FBN2: variants seen among roughly 807,000 people sequenced by gnomAD.
The protein encoded by FBN2 is fibrillin-2.
Under a neutral mutation model 355.6 loss-of-function variants are expected in FBN2, and 105 were observed. That is an observed-to-expected ratio of 0.30 (90% CI 0.25 to 0.35). The LOEUF (loss-of-function observed/expected upper bound fraction) is 0.35, where lower values mean the gene tolerates loss of function less well. Ranked by LOEUF, FBN2 falls within the 10% of genes least tolerant of loss-of-function variation. The pLI, the probability that FBN2 is intolerant of heterozygous loss-of-function variation, is 1.00. For synonymous variants in FBN2, 1,350 were observed against 1,301.2 expected (o/e 1.04, Z -0.81); for missense variants, 3,280 against 3,758.7 (o/e 0.87, Z 3.33).
intron 39 of FBN2, 92 bp downstream of exon 39, chr5:128,311,208 T>C: frequency 4.3e-6 from 6 of 1,387,954 alleles, no homozygotes; most frequent in Non-Finnish European, 4.1e-6. Context: ...TTGAGCCTTT[T>C]GTAGAATGTG....
At chr5:128,409,034 T>C (rs1008932212) in intron 7 of FBN2, among the ~76,000 whole-genome samples, 2 of 152,150 alleles carry the variant, frequency 1.3e-5, no homozygotes, top group East Asian at 1.9e-4. Flanking sequence ...CAGAACTCTA[T>C]ACCCTTTTTT....
At chr5:128,326,849 G>A (rs1045900686) in intron 34 of FBN2, among the ~76,000 whole-genome samples, 1 of 152,176 alleles carries the variant, frequency 6.6e-6, no homozygotes, top group Admixed American at 6.5e-5. Flanking sequence ...AAAACTAGAT[G>A]TGAAGGAAGT....
At chr5:128,437,573 G>C (rs1753800262) in intron 7 of FBN2, among the ~76,000 whole-genome samples, 2 of 152,106 alleles carry the variant, frequency 1.3e-5, no homozygotes, top group African/African-American at 4.8e-5. Context: ...CATGGTCCTA[G>C]CTTTTGGTTT....
At chr5:128,532,729 A>G (rs1167781184) in intron 2 of FBN2, among the ~76,000 whole-genome samples, 1 of 152,192 alleles carries the variant, frequency 6.6e-6, no homozygotes, top group African/African-American at 2.4e-5. Flanking sequence ...ATATATTACT[A>G]CTAGCATTAG....
At chr5:128,526,515 T>C (rs1045984548) in intron 4 of FBN2, among the ~76,000 whole-genome samples, 3 of 152,034 alleles carry the variant, frequency 2.0e-5, no homozygotes, top group Non-Finnish European at 4.4e-5. Flanking sequence ...ATAAACAAAA[T>C]GTGGTATATT....
chr5:128,474,875 G>A (rs527982368), intron 5 of FBN2, among the ~76,000 whole-genome samples: 34 of 152,282 alleles, frequency 2.2e-4, no homozygotes, highest in Non-Finnish European at 4.1e-4. Context: ...TGGGGTTGTC[G>A]TTACTTGAGA....
At chr5:128,449,693 C>T (rs907705463) in intron 6 of FBN2, among the ~76,000 whole-genome samples, 1 of 150,932 alleles carries the variant, frequency 6.6e-6, no homozygotes, top group Non-Finnish European at 1.5e-5. Context: ...CAGATTTAAA[C>T]ACAATAAAAT....
At chr5:128,421,885 T>C (rs1753357906) in intron 7 of FBN2, among the ~76,000 whole-genome samples, 1 of 152,200 alleles carries the variant, frequency 6.6e-6, no homozygotes, top group South Asian at 2.1e-4. Context: ...TTATGGTTGT[T>C]AATCAGCTGA....
At chr5:128,487,225 G>C (rs748327735) in intron 5 of FBN2, among the ~76,000 whole-genome samples, 4 of 152,174 alleles carry the variant, frequency 2.6e-5, no homozygotes, top group South Asian at 2.1e-4. Flanking sequence ...TGTTGAGATA[G>C]AGCCTCCTTC....
intron 5 of FBN2, among the ~76,000 whole-genome samples, chr5:128,496,854 A>G (rs10040225): frequency 0.5 from 75,399 of 151,718 alleles, 21,998 homozygotes; most frequent in African/African-American, 0.82. Context: ...GTTCTGCAAG[A>G]TTGCAAGATA....
chr5:128,534,949 T>C (rs13184921), intron 2 of FBN2, among the ~76,000 whole-genome samples: 35,343 of 152,132 alleles, frequency 0.23, 4,261 homozygotes, highest in African/African-American at 0.29. Flanking sequence ...GGCAGGTGTG[T>C]GATGAGTGAC....
intron 20 of FBN2, among the ~76,000 whole-genome samples, chr5:128,352,620 T>C (rs1033864300): frequency 2.2e-4 from 33 of 152,216 alleles, no homozygotes; most frequent in Non-Finnish European, 1.6e-4. Context: ...GTTTTCCTTG[T>C]AGAGCAGTGG....
chr5:128,462,505 T>C (rs747623386), intron 6 of FBN2, among the ~76,000 whole-genome samples: 30 of 152,214 alleles, frequency 2.0e-4, no homozygotes, highest in Non-Finnish European at 4.1e-4. Flanking sequence ...CCAGACATTT[T>C]AATCATGTGG....
At position 128,272,047 on chromosome 5, in the gene FBN2, C is replaced by T. The variant is rs565953623; in HGVS notation, c.7912G>A (p.Gly2638Ser). ...CQNILGGYRC[G>S]CPQGYIQHYQ... ...TGCTGGATGTAGCCTTGGGGGCAGC[C>T]ACATCTGTAGCCACCCAGGATGTTC... The change falls in exon 62 of 65, where the codon GGC becomes AGC. Residue 2638 changes from glycine (G) to serine (S), a missense_variant. By Grantham distance (56) the Gly-to-Ser change is moderately conservative. This residue lies in a region of FBN2 where 9 missense variants were observed against 27.1 expected (regional missense o/e 0.33). Coordinates refer to ENST00000262464, the MANE Select transcript of FBN2 (RefSeq NM_001999.4). The T allele has an allele frequency of 8.7e-6, 14 of 1,613,986 alleles. 1 individual carries two copies. The South Asian group carries it at 1.4e-4, about 16-fold the overall frequency.
chr5:128,491,707 A>C (rs922540376), intron 5 of FBN2, among the ~76,000 whole-genome samples: 6 of 152,230 alleles, frequency 3.9e-5, no homozygotes, highest in African/African-American at 1.4e-4. Context: ...AAAATGCAAC[A>C]ACAAAAACAA....
At position 128,395,491 on chromosome 5, in the gene FBN2, A is replaced by G. The variant is rs748092465; in HGVS notation, c.1079-217T>C. 8.7e-4 allele frequency among the ~76,000 whole-genome samples: 132 copies of G among 152,364 alleles called. 1 individual carries two copies. The highest frequency in any genetic ancestry group is 1.6e-3 in the Admixed American group (24 of 15,310). On this transcript the variant is annotated intron_variant, in intron 8 of 64. Transcript: ENST00000262464. ...GATAGGAGGACAGACTGCAGTAAGA[A>G]GCTAAAGTCAGGCAATTCTGAAGCT...
intron 29 of FBN2, 75 bp downstream of exon 29, chr5:128,335,380 T>G: frequency 6.2e-7 from 1 of 1,611,950 alleles, no homozygotes. Context: ...TGGTTCCACT[T>G]GGTAATATCT....
In FBN2 at chr5:128,345,388, C is replaced by T. The variant is rs1408076496; in HGVS notation, c.3186G>A (p.Gly1062=). Residue 1062 remains glycine, a synonymous_variant, in exon 24 of 65, where the codon GGG becomes GGA. Transcript: ENST00000262464. Reference sequence around the variant, plus strand: ...AAAATGGCCGCCCAGTAAGAACATCCCCTCGGTTAGCAAAGCCAGCCCCGC... The same window carrying T: ...AAAATGGCCGCCCAGTAAGAACATCTCCTCGGTTAGCAAAGCCAGCCCCGC... ...CPRGAGFANR[G]DVLTGRPFYK... The T allele has an allele frequency of 3.1e-6, 5 of 1,614,106 alleles. No homozygotes were observed. The highest frequency in any genetic ancestry group is 3.4e-6 in the Non-Finnish European group (4 of 1,180,020).
At position 128,504,669 on chromosome 5, in the gene FBN2, T is replaced by C. The variant is rs1017645956; in HGVS notation, c.628+14604A>G. On this transcript the variant is annotated intron_variant, in intron 5 of 64. Coordinates refer to ENST00000262464, the MANE Select transcript of FBN2 (RefSeq NM_001999.4). ...CCAATGCCTGCACAACCATTGTATC[T>C]AGGAAGTAACTAACTTGCTTTCAAT... Among the ~76,000 whole-genome samples, 5 of 152,194 alleles carry C rather than the reference T, an allele frequency of 3.3e-5. No individual in the cohort carries two copies. In the East Asian group the frequency reaches 7.7e-4, roughly 23 times the overall value.
Sources: allele counts gnomAD v4.1 joint callset (sites outside exome capture counted in the v4.1 genomes callset), GRCh38; gene constraint gnomAD v4.1.1; regional missense constraint gnomAD v4.1.1; transcripts MANE v1.5; gene names NCBI Gene and HGNC (gene_info 2026-07-23, HGNC 2026-07-21).